Variants in MTMR12 observed in about 807,000 individuals in gnomAD.
The protein encoded by MTMR12 is myotubularin related protein 12.
In MTMR12, 33 loss-of-function variants were observed where a neutral mutation model predicts 96.7. The observed-to-expected ratio is 0.34, with a 90% CI of 0.26 to 0.46. The LOEUF is 0.46. MTMR12 is among the 20% of genes least tolerant of loss of function. MTMR12 has a pLI of 1.00. For synonymous variants in MTMR12, 298 were observed against 327.2 expected (o/e 0.91, Z 0.96); for missense variants, 721 against 896.1 (o/e 0.80, Z 2.49).
chr5:32,254,053 G>A (rs1309326633), intron 8 of MTMR12, among the ~76,000 whole-genome samples: 1 of 152,232 alleles, frequency 6.6e-6, no homozygotes, highest in African/African-American at 2.4e-5. Flanking sequence ...TGCAGGGATG[G>A]AGAAGCAGCC....
intron 1 of MTMR12, among the ~76,000 whole-genome samples, chr5:32,295,288 C>A (rs1750883520): frequency 6.6e-6 from 1 of 152,234 alleles, no homozygotes. Flanking sequence ...ATTACTCTGA[C>A]AACAAACCAA....
chr5:32,290,084 C>T (rs1029671977), intron 1 of MTMR12, among the ~76,000 whole-genome samples: 1 of 152,222 alleles, frequency 6.6e-6, no homozygotes, highest in African/African-American at 2.4e-5. Context: ...AGCAAATTAA[C>T]ACATCTCCTG....
At chr5:32,257,044 A>C (rs1202221691) in intron 7 of MTMR12, among the ~76,000 whole-genome samples, 1 of 152,176 alleles carries the variant, frequency 6.6e-6, no homozygotes, top group Non-Finnish European at 1.5e-5. Flanking sequence ...GCACTTTGGG[A>C]GGCTGAGGCA....
At chr5:32,264,081 G>A (rs1230231373) in intron 6 of MTMR12, among the ~76,000 whole-genome samples, 1 of 152,186 alleles carries the variant, frequency 6.6e-6, no homozygotes, top group African/African-American at 2.4e-5. Flanking sequence ...GGGCCTGCTA[G>A]CCAAGGCTGA....
chr5:32,242,196 TGAGA>T (rs938474493), intron 11 of MTMR12, 69 bp from the exon 12 acceptor site: 1 of 1,137,714 alleles, frequency 8.8e-7, no homozygotes, highest in Non-Finnish European at 1.3e-6. Flanking sequence ...ACTACGTAGT[TGAGA>T]GAGAGTCTGA....
In MTMR12 at chr5:32,233,833, G is replaced by A. The variant is rs371155588; in HGVS notation, c.1614C>T (p.Asn538=). The A allele has an allele frequency of 1.4e-4, 219 of 1,614,058 alleles. 1 individual carries two copies. The highest frequency in any genetic ancestry group is 1.8e-4 in the Non-Finnish European group (208 of 1,180,046). ...FEPKAQTLLK[N]PLYVEKPKLD... Reference sequence around the variant, plus strand: ...GTTTTGGCTTTTCCACATAAAGAGGGTTTTTGAGCAATGTCTGGGCTTTGG... The same window carrying A: ...GTTTTGGCTTTTCCACATAAAGAGGATTTTTGAGCAATGTCTGGGCTTTGG... The change falls in exon 15 of 16, where the codon AAC becomes AAT. Residue 538 remains asparagine, a synonymous_variant. Transcript: ENST00000382142. This position sits in a 1 kb window ranked among gnomAD's most constrained non-coding sequence, Gnocchi z 5.0.
intron 13 of MTMR12, among the ~76,000 whole-genome samples, chr5:32,236,965 C>T (rs1237341912): frequency 4.6e-5 from 7 of 152,222 alleles, no homozygotes; most frequent in Non-Finnish European, 7.3e-5. Flanking sequence ...TTCTTCAAGT[C>T]CCTTCCAGGA....
At chr5:32,269,550 C>T (rs923484224) in intron 5 of MTMR12, among the ~76,000 whole-genome samples, 1 of 152,192 alleles carries the variant, frequency 6.6e-6, no homozygotes, top group Non-Finnish European at 1.5e-5. Flanking sequence ...GGTGATCCAC[C>T]CACCTCGGCC....
chr5:32,235,190 C>A, intron 13 of MTMR12, 61 bp from the exon 14 acceptor site: 1 of 1,506,232 alleles, frequency 6.6e-7, no homozygotes, highest in South Asian at 1.3e-5. Context: ...ATCCTGAGTT[C>A]AGGGGGCAGC....
At chr5:32,259,318 G>A (rs1039950558) in intron 7 of MTMR12, among the ~76,000 whole-genome samples, 14 of 152,158 alleles carry the variant, frequency 9.2e-5, no homozygotes, top group African/African-American at 3.4e-4. Context: ...CATCCTATGC[G>A]TTTACAGGGA....
At position 32,273,974 on chromosome 5, in the gene MTMR12, A is replaced by G; in HGVS notation, c.285+6T>C. ...ACAAACTCTGCCAAATGCAGCCCAT[A>G]CATACATCATTATCCAATGCAGATT... On this transcript the variant is annotated splice_donor_region_variant and intron_variant, in intron 3 of 15. Coordinates refer to ENST00000382142, the MANE Select transcript of MTMR12 (RefSeq NM_001040446.3). 6.2e-7 allele frequency: 1 copy of G among 1,614,118 alleles called. No individual in the cohort carries two copies. Among genetic ancestry groups the G allele is most frequent in the South Asian group, 1.1e-5 (1 of 91,072 alleles).
At chr5:32,292,855 C>T (rs1055739284) in intron 1 of MTMR12, among the ~76,000 whole-genome samples, 3 of 152,210 alleles carry the variant, frequency 2.0e-5, no homozygotes, top group South Asian at 2.1e-4. Context: ...GCTACGACCA[C>T]GTGACCAGCT....
At chr5:32,284,910 T>C (rs1296985267) in intron 1 of MTMR12, among the ~76,000 whole-genome samples, 1 of 152,240 alleles carries the variant, frequency 6.6e-6, no homozygotes, top group Non-Finnish European at 1.5e-5. Context: ...AAATGGTCTT[T>C]GTGCTTTGTA....
In MTMR12 at chr5:32,248,024, T is replaced by C; in HGVS notation, c.999A>G (p.Lys333=). 6.2e-7 allele frequency: 1 copy of C among 1,614,032 alleles called. No individual in the cohort carries two copies. The highest frequency in any genetic ancestry group is 8.5e-7 in the Non-Finnish European group (1 of 1,179,926). The change falls in exon 10 of 16, where the codon AAA becomes AAG. Residue 333 remains lysine, a synonymous_variant. Transcript: ENST00000382142. ...CACCTATCAGAAATAGCTGTTTAAA[T>C]TTAGAGTATGCAGTCTGGATTTCCT... ...SLQEIQTAYS[K]FKQLFLIDNS... is the part of the protein sequence containing the mutation.
In MTMR12 at chr5:32,227,137, A is replaced by T. The variant is rs1221629270; in HGVS notation, c.*2641T>A. 6.6e-6 allele frequency: 1 copy of T among 152,656 alleles called. No homozygotes were observed. Among genetic ancestry groups the T allele is most frequent in the African/African-American group, 2.4e-5 (1 of 41,458 alleles). The allele number at this position is 152,656 out of a possible 1,614,324, so 9.5% of individuals were successfully genotyped here. On this transcript the variant is annotated 3_prime_UTR_variant, in exon 16 of 16. Coordinates refer to ENST00000382142, the MANE Select transcript of MTMR12 (RefSeq NM_001040446.3). ...GTTTAGCTCAACAGCTTATTCCCTTATAAAGAAAAAAAAAGTTTTGAATTA... is the reference window on the plus strand; with the variant it reads ...GTTTAGCTCAACAGCTTATTCCCTTTTAAAGAAAAAAAAAGTTTTGAATTA...
intron 15 of MTMR12, among the ~76,000 whole-genome samples, chr5:32,232,217 C>T (rs1277294610): frequency 1.3e-5 from 2 of 152,218 alleles, no homozygotes; most frequent in African/African-American, 2.4e-5. Flanking sequence ...CTGCTCAGCC[C>T]CTGCTTCCTC....
chr5:32,228,516 A>AT lies in MTMR12; in HGVS notation c.*1261_*1262insA, dbSNP rs1400778000. ...AAGTATACTTTCCTGCATTAAAAAAAATATATATCATATATATGATATATA... is the reference window on the plus strand; with the variant it reads ...AAGTATACTTTCCTGCATTAAAAAAATATATATATCATATATATGATATATA... On this transcript the variant is annotated 3_prime_UTR_variant, in exon 16 of 16. Transcript: ENST00000382142. 1.8e-5 allele frequency: 2 copies of AT among 108,224 alleles called. No homozygotes were observed. The highest frequency in any genetic ancestry group is 3.2e-5 in the African/African-American group (1 of 31,586). 6.7% of individuals were successfully genotyped at this position (108,224 alleles called of 1,614,324 possible).
intron 1 of MTMR12, among the ~76,000 whole-genome samples, chr5:32,295,383 C>T (rs1268799979): frequency 6.6e-6 from 1 of 152,254 alleles, no homozygotes; most frequent in Non-Finnish European, 1.5e-5. Context: ...AAACCACATA[C>T]ACAAATTCAA....
chr5:32,270,951 C>T lies in MTMR12; in HGVS notation c.359-4G>A, dbSNP rs927981502. 12 of 1,607,408 alleles carry T rather than the reference C, an allele frequency of 7.5e-6. No homozygotes were observed. The highest frequency in any genetic ancestry group is 1.7e-5 in the Admixed American group (1 of 58,338). On this transcript the variant is annotated splice_polypyrimidine_tract_variant and splice_region_variant and intron_variant, in intron 4 of 15. Coordinates refer to ENST00000382142, the MANE Select transcript of MTMR12 (RefSeq NM_001040446.3). ...GTTTTCTTTTTCTCATCAAACACTA[C>T]AGATCAGCAATGAAATCAGGAAGGG...
Sources: allele counts gnomAD v4.1 joint callset (sites outside exome capture counted in the v4.1 genomes callset), GRCh38; gene constraint gnomAD v4.1.1; non-coding constraint Gnocchi (gnomAD v3.1); transcripts MANE v1.5; gene names NCBI Gene and HGNC (gene_info 2026-07-23, HGNC 2026-07-21).